BICDL1: variants seen among roughly 807,000 people sequenced by gnomAD.
The protein encoded by BICDL1 is BICD family-like cargo adapter 1.
A neutral mutation model predicts 76.8 loss-of-function variants in BICDL1; 20 were observed. That is an observed-to-expected ratio of 0.26 (90% CI 0.18 to 0.38). The LOEUF is 0.38. Ranked by LOEUF, BICDL1 falls within the 10% of genes least tolerant of loss-of-function variation. The pLI is 1.00. For synonymous variants in BICDL1, 383 were observed against 337.1 expected, an observed-to-expected ratio of 1.14 and a Z score of -1.49; for missense variants, 700 against 798.6, an observed-to-expected ratio of 0.88 and a Z score of 1.49.
chr12:120,008,590 G>T (rs1951895270), intron 2 of BICDL1, among the ~76,000 whole-genome samples: 1 of 152,088 alleles, frequency 6.6e-6, no homozygotes, highest in Non-Finnish European at 1.5e-5. Flanking sequence ...TTCCAGGATG[G>T]GTAGTCAATT....
chr12:120,088,043 C>T (rs1874576990), intron 8 of BICDL1, among the ~76,000 whole-genome samples: 1 of 152,120 alleles, frequency 6.6e-6, no homozygotes, highest in Admixed American at 6.5e-5. Context: ...GATCTCCTAC[C>T]TCAGCCTCCT....
chr12:120,020,525 C>CT (rs1370412822), intron 2 of BICDL1, among the ~76,000 whole-genome samples: 4 of 151,036 alleles, frequency 2.6e-5, no homozygotes, highest in Admixed American at 2.0e-4. Flanking sequence ...CAGGAGCAAC[C>CT]TTTTTTTTTA....
chr12:120,001,000 G>A (rs764755044), intron 2 of BICDL1, among the ~76,000 whole-genome samples: 42 of 151,938 alleles, frequency 2.8e-4, no homozygotes, highest in African/African-American at 6.0e-4. Context: ...CTAAAAGAAC[G>A]TAGGAAGATA....
chr12:120,003,178 A>C (rs963168396), intron 2 of BICDL1, among the ~76,000 whole-genome samples: 1 of 136,934 alleles, frequency 7.3e-6, no homozygotes, highest in African/African-American at 2.6e-5. Flanking sequence ...AAAAAAAAAC[A>C]GTCGGTAGGG....
chr12:120,087,287 GC>G (rs1353944007), intron 8 of BICDL1, among the ~76,000 whole-genome samples: 4 of 152,244 alleles, frequency 2.6e-5, no homozygotes, highest in Non-Finnish European at 5.9e-5. Flanking sequence ...AGTGGGCGGG[GC>G]TGACGCGGTG....
intron 9 of BICDL1, chr12:120,091,252 T>A (rs1251263403): frequency 1.8e-6 from 2 of 1,141,062 alleles, no homozygotes; most frequent in Admixed American, 4.0e-5. Flanking sequence ...CATAGATGGC[T>A]GTTCCATCCA....
Position 120,089,865 on chromosome 12 carries a change from A to C in BICDL1, c.1584-86A>C, listed in dbSNP as rs538577905. On this transcript the variant is annotated intron_variant, in intron 8 of 9. Coordinates refer to ENST00000548673, the MANE Select transcript of BICDL1 (RefSeq NM_001367886.1). ...GTTCAGGGTCAGAGCCTGTTTCCTC[A>C]TCCTGGGACTCCAGGTGCCCCAAGT... The C allele has an allele frequency of 9.0e-5, 136 of 1,515,808 alleles. No individual in the cohort carries two copies. The South Asian group carries it at 1.7e-3, about 18-fold the overall frequency. The allele number at this position is 1,515,808 out of a possible 1,614,324, so 93.9% of individuals were successfully genotyped here.
At chr12:120,014,464 C>T (rs983177072) in intron 2 of BICDL1, among the ~76,000 whole-genome samples, 3 of 152,016 alleles carry the variant, frequency 2.0e-5, no homozygotes, top group Admixed American at 6.6e-5. Context: ...GAGGCTGAGC[C>T]GGGCAGATCA....
chr12:120,059,076 GT>G (rs199593588), intron 2 of BICDL1, among the ~76,000 whole-genome samples: 36 of 147,862 alleles, frequency 2.4e-4, no homozygotes, highest in South Asian at 4.3e-4. Context: ...GCCAAAGTTG[GT>G]TTTTTTTTTA....
At chr12:120,017,387 T>A in intron 2 of BICDL1, among the ~76,000 whole-genome samples, 1 of 152,262 alleles carries the variant, frequency 6.6e-6, no homozygotes, top group Non-Finnish European at 1.5e-5. Context: ...CTGATCCAGA[T>A]GACTTGTTTA....
At chr12:120,014,417 G>A (rs746182933) in intron 2 of BICDL1, among the ~76,000 whole-genome samples, 9 of 152,114 alleles carry the variant, frequency 5.9e-5, no homozygotes, top group African/African-American at 1.7e-4. Flanking sequence ...TTCTTGCACC[G>A]GTGCAGTGGC....
chr12:120,074,483 TA>T lies in BICDL1; in HGVS notation c.1351del (p.Arg451GlyfsTer10). ...GATGATGACTCCTTAGAAGAACAGA[TA>T]AGGCAGACCAGTGAGGACTCGAGAG... ...RLDDDSLEEQ[I>X]RQTSEDSRAL... On this transcript the variant is annotated frameshift_variant, in exon 7 of 10. Coordinates refer to ENST00000548673, the MANE Select transcript of BICDL1 (RefSeq NM_001367886.1). LOFTEE classifies it high-confidence loss of function. 7.9e-7 allele frequency: 1 copy of T among 1,273,702 alleles called. No individual in the cohort carries two copies. The highest frequency in any genetic ancestry group is 1.0e-6 in the Non-Finnish European group (1 of 982,082). 78.9% of individuals were successfully genotyped at this position (1,273,702 alleles called of 1,614,324 possible). A position where few individuals can be genotyped will look rare whatever the true frequency, so the allele number is the denominator to read the frequency against.
At chr12:119,993,542 T>A (rs1951572042) in intron 1 of BICDL1, 1 of 152,152 alleles carries the variant, frequency 6.6e-6, no homozygotes, top group Non-Finnish European at 1.5e-5. Flanking sequence ...ACTGTAAGGT[T>A]TGGGCCATTT....
At chr12:120,089,564 TAG>T (rs1874781340) in intron 8 of BICDL1, among the ~76,000 whole-genome samples, 1 of 152,154 alleles carries the variant, frequency 6.6e-6, no homozygotes, top group South Asian at 2.1e-4. Flanking sequence ...GTATTTTTAG[TAG>T]AGACAGGGTT....
intron 1 of BICDL1, among the ~76,000 whole-genome samples, chr12:119,995,674 T>A (rs1260928280): frequency 6.6e-6 from 1 of 152,218 alleles, no homozygotes; most frequent in Admixed American, 6.5e-5. Context: ...TCCATCTTGC[T>A]GAAGTTTCTA....
At chr12:120,044,885 T>C (rs945790399) in intron 2 of BICDL1, among the ~76,000 whole-genome samples, 9 of 152,204 alleles carry the variant, frequency 5.9e-5, no homozygotes, top group African/African-American at 2.2e-4. Context: ...GACTTGGCGA[T>C]GCGGGCTCTT....
chr12:120,047,692 C>G (rs556379477), intron 2 of BICDL1, among the ~76,000 whole-genome samples: 1 of 152,108 alleles, frequency 6.6e-6, no homozygotes, highest in East Asian at 1.9e-4. Flanking sequence ...TAATCACCAT[C>G]TTTCAGATGA....
intron 2 of BICDL1, among the ~76,000 whole-genome samples, chr12:120,016,742 C>T (rs938513898): frequency 1.4e-4 from 21 of 151,644 alleles, no homozygotes; most frequent in African/African-American, 3.4e-4. Context: ...TTTAAGAAAC[C>T]GCCAAACTTA....
At chr12:120,014,765 A>G (rs575450533) in intron 2 of BICDL1, among the ~76,000 whole-genome samples, 4 of 152,200 alleles carry the variant, frequency 2.6e-5, no homozygotes, top group South Asian at 4.2e-4. Context: ...TGGGAGGCCA[A>G]GGTGGGAGGA....
Sources: gnomAD v4.1 joint callset for allele counts (sites outside exome capture counted in the v4.1 genomes callset) on GRCh38, gnomAD v4.1.1 for gene constraint, MANE v1.5 for transcripts, NCBI Gene and HGNC (gene_info 2026-07-23, HGNC 2026-07-21) for gene names.